BACH2: variants seen among roughly 807,000 people sequenced by gnomAD.
BACH2 encodes the protein transcription regulator protein BACH2.
A neutral mutation model predicts 61.8 loss-of-function variants in BACH2; 5 were observed. The ratio of observed to expected loss-of-function variants is 0.08; its 90% CI spans 0.04 to 0.17. The LOEUF (loss-of-function observed/expected upper bound fraction) is 0.17. BACH2 is among the 10% of genes least tolerant of loss of function. The probability of loss-of-function intolerance (pLI) is 1.00; values close to 1 mark genes in which losing one functional copy is unlikely to be tolerated. For missense variants in BACH2, 824 were observed against 1,091.1 expected, an observed-to-expected ratio of 0.76 and a Z score of 3.45; for synonymous variants, 446 against 440.1, an observed-to-expected ratio of 1.01 and a Z score of -0.17.
At chr6:90,207,032 T>C (rs1769168388) in intron 3 of BACH2, among the ~76,000 whole-genome samples, 1 of 152,204 alleles carries the variant, frequency 6.6e-6, no homozygotes, top group Admixed American at 6.5e-5. Flanking sequence ...ATTTATTCTT[T>C]ACATGGCGTT....
chr6:90,219,166 T>C (rs1210843504), intron 3 of BACH2, among the ~76,000 whole-genome samples: 1 of 152,196 alleles, frequency 6.6e-6, no homozygotes, highest in East Asian at 1.9e-4. Context: ...CTTCTCTGTT[T>C]AGAGCCAGCA....
At chr6:90,069,996 G>A (rs1034736683) in intron 5 of BACH2, among the ~76,000 whole-genome samples, 1 of 152,196 alleles carries the variant, frequency 6.6e-6, no homozygotes, top group Non-Finnish European at 1.5e-5. Flanking sequence ...CTCAGCTCCA[G>A]AGGGTGGAAT....
intron 4 of BACH2, among the ~76,000 whole-genome samples, chr6:90,164,710 C>A (rs9800845): frequency 2.0e-5 from 3 of 152,128 alleles, no homozygotes; most frequent in African/African-American, 7.2e-5. Context: ...AAAAGCTTAT[C>A]CACCATGATC....
At chr6:89,994,962 A>T (rs571497009) in intron 6 of BACH2, among the ~76,000 whole-genome samples, 2 of 152,286 alleles carry the variant, frequency 1.3e-5, no homozygotes, top group African/African-American at 4.8e-5. Context: ...AACCACAGTG[A>T]GATCATACTG....
rs140766436 is a variant in BACH2 at position 90,203,500 on chromosome 6, A to G, written c.-162+3069T>C. 4.6e-5 allele frequency among the ~76,000 whole-genome samples: 7 copies of G among 152,220 alleles called. No individual in the cohort carries two copies. In the East Asian group the frequency reaches 1.4e-3, roughly 29 times the overall value. On this transcript the variant is annotated intron_variant, in intron 4 of 8. Transcript: ENST00000257749. ...GCAAAAAGCTGCGAAGAATGTATGA[A>G]CACTGGAAAGATGGTCAAGTCTGCA...
intron 4 of BACH2, among the ~76,000 whole-genome samples, chr6:90,198,930 G>A (rs1401405581): frequency 6.6e-6 from 1 of 152,146 alleles, no homozygotes; most frequent in Non-Finnish European, 1.5e-5. Flanking sequence ...TCTTGTGACG[G>A]TGAATAAGTC....
chr6:90,174,785 T>C (rs1582450081), intron 4 of BACH2, among the ~76,000 whole-genome samples: 2 of 152,072 alleles, frequency 1.3e-5, no homozygotes, highest in South Asian at 2.1e-4. Flanking sequence ...ACTCAGAACA[T>C]TGTGTTTTGT....
At chr6:90,081,444 G>A (rs1227509792) in intron 5 of BACH2, among the ~76,000 whole-genome samples, 1 of 152,136 alleles carries the variant, frequency 6.6e-6, no homozygotes, top group Non-Finnish European at 1.5e-5. Flanking sequence ...CAACACAATC[G>A]CAGATGCTAC....
chr6:89,970,951 T>A (rs184440729), intron 6 of BACH2, among the ~76,000 whole-genome samples: 24 of 152,376 alleles, frequency 1.6e-4, no homozygotes, highest in Non-Finnish European at 2.6e-4. Context: ...GTGTATTTTT[T>A]AGGTGCAATA....
At position 89,931,282 on chromosome 6, in the gene BACH2, A is replaced by AACTCTC. The variant is rs1459552948; in HGVS notation, c.*1120_*1125dup. 4 of 152,494 alleles carry AACTCTC rather than the reference A, an allele frequency of 2.6e-5. No homozygotes were observed. Among genetic ancestry groups the AACTCTC allele is most frequent in the Admixed American group, 2.6e-4 (4 of 15,294 alleles). The allele number at this position is 152,494 out of a possible 1,614,324, so 9.4% of individuals were successfully genotyped here. ...ATCTGAACATCCAGCATCAACTCTG[A>AACTCTC]ACTCTCTATCTGCGTTTAAACTTTG... On this transcript the variant is annotated 3_prime_UTR_variant, in exon 9 of 9. Transcript: ENST00000257749.
chr6:90,229,729 T>C (rs1242122413), intron 3 of BACH2, among the ~76,000 whole-genome samples: 1 of 152,238 alleles, frequency 6.6e-6, no homozygotes, highest in Admixed American at 6.5e-5. Context: ...TCATAATTGG[T>C]GTAGCATACA....
intron 4 of BACH2, among the ~76,000 whole-genome samples, chr6:90,172,353 TATAAA>T (rs1442566807): frequency 8.4e-6 from 1 of 119,450 alleles, no homozygotes; most frequent in African/African-American, 3.1e-5. Context: ...AGAAGGAAAA[TATAAA>T]AGAAATATTT....
At chr6:90,025,626 A>G (rs151098276) in intron 5 of BACH2, among the ~76,000 whole-genome samples, 1 of 152,186 alleles carries the variant, frequency 6.6e-6, no homozygotes. Context: ...CCAGAGAAAT[A>G]TTACCCTAGA....
chr6:90,281,670 A>T (rs1369267472), intron 1 of BACH2, among the ~76,000 whole-genome samples: 1 of 152,204 alleles, frequency 6.6e-6, no homozygotes, highest in African/African-American at 2.4e-5. Flanking sequence ...CACACTGTAT[A>T]TATTCTTCTA....
At chr6:90,155,734 T>A (rs1784974775) in intron 4 of BACH2, among the ~76,000 whole-genome samples, 1 of 152,206 alleles carries the variant, frequency 6.6e-6, no homozygotes, top group African/African-American at 2.4e-5. Flanking sequence ...AATTACCACC[T>A]TCTAACTTAC....
chr6:90,249,491 C>T (rs1020954101), intron 3 of BACH2, among the ~76,000 whole-genome samples: 3 of 152,100 alleles, frequency 2.0e-5, no homozygotes, highest in Non-Finnish European at 4.4e-5. Flanking sequence ...TAAAAACAGG[C>T]CAGGCGCAGT....
chr6:89,946,449 T>A (rs1353876114), intron 7 of BACH2, among the ~76,000 whole-genome samples: 2 of 152,196 alleles, frequency 1.3e-5, no homozygotes, highest in Non-Finnish European at 2.9e-5. Flanking sequence ...CTTTAGCCCA[T>A]CTTTGAAACT....
At chr6:90,077,156 G>C (rs182036290) in intron 5 of BACH2, among the ~76,000 whole-genome samples, 1 of 152,230 alleles carries the variant, frequency 6.6e-6, no homozygotes, top group East Asian at 1.9e-4. Flanking sequence ...GTATCCACAG[G>C]ATGCATTTCA....
intron 5 of BACH2, among the ~76,000 whole-genome samples, chr6:90,074,920 G>A (rs752027948): frequency 5.3e-5 from 8 of 152,118 alleles, no homozygotes; most frequent in Non-Finnish European, 1.2e-4. Context: ...GACAGACATG[G>A]GTAGGTAAGC....
Sources: allele counts gnomAD v4.1 joint callset (sites outside exome capture counted in the v4.1 genomes callset), GRCh38; gene constraint gnomAD v4.1.1; transcripts MANE v1.5; gene names NCBI Gene and HGNC (gene_info 2026-07-23, HGNC 2026-07-21).